The following TRIM9 variants were observed in gnomAD, a reference collection of about 807,000 sequenced individuals.
TRIM9 encodes the protein E3 ubiquitin-protein ligase TRIM9.
Under a neutral mutation model 78.3 loss-of-function variants are expected in TRIM9, and 26 were observed. The ratio of observed to expected loss-of-function variants is 0.33; its 90% CI spans 0.24 to 0.46. TRIM9 has a LOEUF of 0.46. TRIM9 is among the 20% of genes least tolerant of loss of function. TRIM9 has a pLI of 1.00. For synonymous variants in TRIM9, 398 were observed against 416.5 expected (o/e 0.96, Z 0.54); for missense variants, 787 against 1,036.4 (o/e 0.76, Z 3.30).
chr14:51,080,480 C>T (rs971616690), intron 1 of TRIM9, among the ~76,000 whole-genome samples: 11 of 135,136 alleles, frequency 8.1e-5, no homozygotes, highest in Admixed American at 4.4e-4. Context: ...CACACACACA[C>T]GGAGAAACAA....
chr14:51,047,924 C>T (rs73288894), intron 1 of TRIM9, among the ~76,000 whole-genome samples: 11,605 of 151,254 alleles, frequency 0.077, 652 homozygotes, highest in African/African-American at 0.16. Flanking sequence ...CGCACCACTG[C>T]ACTCCAACCT....
intron 1 of TRIM9, among the ~76,000 whole-genome samples, chr14:51,081,256 A>G (rs1462922460): frequency 2.0e-5 from 3 of 152,250 alleles, no homozygotes; most frequent in African/African-American, 7.2e-5. Flanking sequence ...GATTCTCAAC[A>G]TCACTAGTCA....
chr14:50,987,507 G>A (rs1200697948), intron 7 of TRIM9, among the ~76,000 whole-genome samples: 1 of 152,106 alleles, frequency 6.6e-6, no homozygotes, highest in Non-Finnish European at 1.5e-5. Flanking sequence ...AAAAGGAATT[G>A]CTATTTATGG....
intron 3 of TRIM9, among the ~76,000 whole-genome samples, chr14:51,013,182 A>G (rs1596171145): frequency 6.7e-6 from 1 of 149,388 alleles, no homozygotes; most frequent in Non-Finnish European, 1.5e-5. Flanking sequence ...TTGATCTGTT[A>G]TGAGGTCATT....
At chr14:51,071,002 A>G (rs1221288915) in intron 1 of TRIM9, among the ~76,000 whole-genome samples, 1 of 152,140 alleles carries the variant, frequency 6.6e-6, no homozygotes. Flanking sequence ...GATAATGTAA[A>G]TGATCCTGGA....
chr14:51,067,707 A>T (rs1418442073), intron 1 of TRIM9, among the ~76,000 whole-genome samples: 1 of 152,032 alleles, frequency 6.6e-6, no homozygotes, highest in Non-Finnish European at 1.5e-5. Context: ...TCTCATCACC[A>T]TTTAGGTCTC....
At chr14:51,000,609 T>G in intron 6 of TRIM9, 74 bp downstream of exon 6, 1 of 1,580,744 alleles carries the variant, frequency 6.3e-7, no homozygotes, top group Non-Finnish European at 8.6e-7. Flanking sequence ...AAGCCAGCCC[T>G]GAGACTCCCT....
In TRIM9 at chr14:51,094,755, T is replaced by C. The variant is rs2064775256; in HGVS notation, c.185A>G (p.Tyr62Cys). 2.6e-6 allele frequency: 4 copies of C among 1,530,108 alleles called. No homozygotes were observed. The highest frequency in any genetic ancestry group is 1.3e-5 in the South Asian group (1 of 77,702). 94.8% of individuals were successfully genotyped at this position (1,530,108 alleles called of 1,614,324 possible). A position where few individuals can be genotyped will look rare whatever the true frequency, so the allele number is the denominator to read the frequency against. ...TAGGCTCATCTTGTCCAGGTCCAGATAGTCATAGTCGGAGACCCCGGAGCC... is the reference window on the plus strand; with the variant it reads ...TAGGCTCATCTTGTCCAGGTCCAGACAGTCATAGTCGGAGACCCCGGAGCC... ...AAGSGVSDYD[Y>C]LDLDKMSLYS... Residue 62 changes from tyrosine to cysteine, a missense_variant, in exon 1 of 13, where the codon TAT becomes TGT. By Grantham distance (194) the Tyr-to-Cys change is radical. Coordinates refer to ENST00000684578, the MANE Select transcript of TRIM9 (RefSeq NM_001387360.1).
chr14:51,046,155 G>T (rs772931647), intron 1 of TRIM9, among the ~76,000 whole-genome samples: 3 of 152,056 alleles, frequency 2.0e-5, no homozygotes, highest in Non-Finnish European at 4.4e-5. Flanking sequence ...GATGGGGACA[G>T]GGGTGATGGG....
intron 1 of TRIM9, among the ~76,000 whole-genome samples, chr14:51,050,254 T>C (rs762796611): frequency 6.6e-6 from 1 of 152,174 alleles, no homozygotes; most frequent in Non-Finnish European, 1.5e-5. Context: ...GTAGCTTCCA[T>C]GTGTTGTGGG....
intron 3 of TRIM9, among the ~76,000 whole-genome samples, chr14:51,013,130 C>A (rs1032030142): frequency 7.2e-5 from 11 of 152,104 alleles, no homozygotes; most frequent in South Asian, 2.1e-4. Flanking sequence ...CCCCTGTGTT[C>A]TCTCCCAGGA....
chr14:51,034,801 C>T (rs990060694), intron 1 of TRIM9, among the ~76,000 whole-genome samples: 11 of 152,158 alleles, frequency 7.2e-5, no homozygotes, highest in African/African-American at 2.4e-4. Flanking sequence ...TCTGAATCTC[C>T]GCTGTGTTTC....
intron 1 of TRIM9, among the ~76,000 whole-genome samples, chr14:51,031,147 CA>C (rs1210514761): frequency 1.4e-3 from 139 of 100,740 alleles, no homozygotes; most frequent in African/African-American, 5.2e-3. Context: ...AAACTCTTTC[CA>C]AAAAAAAAAA....
intron 3 of TRIM9, among the ~76,000 whole-genome samples, chr14:51,016,760 G>T (rs1464349386): frequency 6.6e-6 from 1 of 152,074 alleles, no homozygotes; most frequent in Non-Finnish European, 1.5e-5. Context: ...ACTGCTCCCT[G>T]GTGCCAAAGA....
intron 1 of TRIM9, among the ~76,000 whole-genome samples, chr14:51,038,856 T>A (rs2139956084): frequency 6.6e-6 from 1 of 152,340 alleles, no homozygotes; most frequent in South Asian, 2.1e-4. Context: ...TCAGAGCAAG[T>A]GGCTATGGTT....
chr14:51,033,093 CTTAT>C (rs1183097503), intron 1 of TRIM9, among the ~76,000 whole-genome samples: 4 of 152,036 alleles, frequency 2.6e-5, no homozygotes, highest in African/African-American at 9.7e-5. Context: ...TATTTATTTA[CTTAT>C]TTATTTATTT....
At chr14:50,994,226 C>G (rs1596120993) in intron 7 of TRIM9, among the ~76,000 whole-genome samples, 2 of 152,118 alleles carry the variant, frequency 1.3e-5, no homozygotes, top group East Asian at 1.9e-4. Flanking sequence ...GGCAACACAG[C>G]AAGACCACAT....
chr14:50,997,352 G>A, intron 7 of TRIM9: 1 of 985,418 alleles, frequency 1.0e-6, no homozygotes, highest in Non-Finnish European at 1.2e-6. Context: ...GATGAACCTT[G>A]TATGGTGGCT....
At chr14:51,029,551 C>T (rs2058550800) in intron 1 of TRIM9, among the ~76,000 whole-genome samples, 1 of 152,226 alleles carries the variant, frequency 6.6e-6, no homozygotes, top group Non-Finnish European at 1.5e-5. Context: ...AAATATTGAT[C>T]TCTGGGTCAC....
Sources: gnomAD v4.1 joint callset for allele counts (sites outside exome capture counted in the v4.1 genomes callset) on GRCh38, gnomAD v4.1.1 for gene constraint, MANE v1.5 for transcripts, NCBI Gene and HGNC (gene_info 2026-07-23, HGNC 2026-07-21) for gene names.